ZNF362: variants seen among roughly 807,000 people sequenced by gnomAD.
ZNF362 encodes rotund homolog.
Under a neutral mutation model 42.9 loss-of-function variants are expected in ZNF362, and 11 were observed. The ratio of observed to expected loss-of-function variants is 0.26; its 90% CI spans 0.16 to 0.42. The LOEUF is 0.42. ZNF362 is among the 20% of genes least tolerant of loss of function. The pLI, the probability that ZNF362 is intolerant of heterozygous loss-of-function variation, is 1.00. For synonymous variants in ZNF362, 255 were observed against 257.3 expected, an observed-to-expected ratio of 0.99 and a Z score of 0.09; for missense variants, 362 against 576.2, an observed-to-expected ratio of 0.63 and a Z score of 3.81.
chr1:33,147,339 A>G, the ZNF362 span: 28 of 1,614,224 alleles, frequency 1.7e-5, no homozygotes, highest in East Asian at 6.2e-4. The surrounding 1 kb of genome is among the most constrained non-coding windows in gnomAD (Gnocchi z 8.1). Context: ...AGCCTTGGTC[A>G]TAGTCCAGGA....
the ZNF362 span, among the ~76,000 whole-genome samples, chr1:33,244,009 G>T: frequency 1.3e-5 from 2 of 152,166 alleles, no homozygotes; most frequent in African/African-American, 4.8e-5. The surrounding 1 kb of genome is among the most constrained non-coding windows in gnomAD (Gnocchi z 4.0). Context: ...CATGGATTTG[G>T]AGACTGATGA....
the ZNF362 span, among the ~76,000 whole-genome samples, chr1:33,144,366 A>G: frequency 2.6e-5 from 4 of 152,250 alleles, no homozygotes; most frequent in East Asian, 7.7e-4. Context: ...TTGAACTCCC[A>G]ACCTCAGGTG....
At chr1:33,263,300 A>G (rs538073845) in intron 1 of ZNF362, among the ~76,000 whole-genome samples, 5 of 152,326 alleles carry the variant, frequency 3.3e-5, no homozygotes, top group African/African-American at 9.6e-5. Flanking sequence ...AGCATTTACT[A>G]TATCCAGGCT....
In ZNF362 at chr1:33,294,113, C is replaced by A. The variant is rs1235303490; in HGVS notation, c.909-824C>A. Among the ~76,000 whole-genome samples, 1 of 152,238 alleles carries A rather than the reference C, an allele frequency of 6.6e-6. No homozygotes were observed. Among genetic ancestry groups the A allele is most frequent in the Admixed American group, 6.5e-5 (1 of 15,280 alleles). Reference sequence around the variant, plus strand: ...CAAATACCTAGCACAGTGCCTGGGGCATGGGTACCCAATGTAATGAATGTG... The same window carrying A: ...CAAATACCTAGCACAGTGCCTGGGGAATGGGTACCCAATGTAATGAATGTG... On this transcript the variant is annotated intron_variant, in intron 6 of 8. Transcript: ENST00000539719. The surrounding 1 kb of genome is among the most constrained non-coding windows in gnomAD (Gnocchi z 4.2).
At chr1:33,130,283 G>A in the ZNF362 span, among the ~76,000 whole-genome samples, 1 of 152,204 alleles carries the variant, frequency 6.6e-6, no homozygotes, top group Non-Finnish European at 1.5e-5. Context: ...CTCCCGTTGA[G>A]TATGGATGGA....
In ZNF362 at chr1:33,299,558, G is replaced by A. The variant is rs1646151090; in HGVS notation, c.*512G>A. 1 of 154,942 alleles carries A rather than the reference G, an allele frequency of 6.5e-6. No homozygotes were observed. Among genetic ancestry groups the A allele is most frequent in the African/African-American group, 2.4e-5 (1 of 41,458 alleles). The allele number at this position is 154,942 out of a possible 1,614,324, so 9.6% of individuals were successfully genotyped here. On this transcript the variant is annotated 3_prime_UTR_variant, in exon 9 of 9. Transcript: ENST00000539719. ...GGACTGCAAAGGGGACCCCCAGGTG[G>A]GAGGGGCAGGAAGCAGCCGGAGTGA...
chr1:33,189,649 A>ATATATG, the ZNF362 span, among the ~76,000 whole-genome samples: 4 of 16,196 alleles, frequency 2.5e-4, no homozygotes, highest in African/African-American at 6.1e-4. Context: ...ATATATATAT[A>ATATATG]TATATATATA....
At chr1:33,165,300 G>A in the ZNF362 span, 17 of 558,436 alleles carry the variant, frequency 3.0e-5, no homozygotes, top group African/African-American at 2.7e-4. The surrounding 1 kb of genome is among the most constrained non-coding windows in gnomAD (Gnocchi z 4.0). Context: ...TGAACTTCAC[G>A]GATGCCCTAC....
chr1:33,167,313 G>C, the ZNF362 span, among the ~76,000 whole-genome samples: 1 of 152,328 alleles, frequency 6.6e-6, no homozygotes, highest in East Asian at 1.9e-4. The surrounding 1 kb of genome is among the most constrained non-coding windows in gnomAD (Gnocchi z 4.2). Context: ...TAGAATGTGA[G>C]TTTCATGAGA....
chr1:33,157,904 A>T, the ZNF362 span, among the ~76,000 whole-genome samples: 1,701 of 152,006 alleles, frequency 0.011, 34 homozygotes, highest in African/African-American at 0.04. Flanking sequence ...TTACAGGTGC[A>T]CGCCACCATG....
the ZNF362 span, among the ~76,000 whole-genome samples, chr1:33,235,455 A>G: frequency 6.6e-6 from 1 of 152,220 alleles, no homozygotes; most frequent in Non-Finnish European, 1.5e-5. Context: ...GGTCTCCAGC[A>G]AACTCCAGGC....
chr1:33,231,216 A>T, the ZNF362 span, among the ~76,000 whole-genome samples: 1 of 152,202 alleles, frequency 6.6e-6, no homozygotes, highest in Middle Eastern at 3.2e-3. Flanking sequence ...CTCAGTGTCA[A>T]ACAGTTAGAA....
chr1:33,141,564 G>C, the ZNF362 span, among the ~76,000 whole-genome samples: 2 of 152,202 alleles, frequency 1.3e-5, no homozygotes, highest in African/African-American at 4.8e-5. Context: ...TTGTGCCTCT[G>C]ATGCCAGCTT....
the ZNF362 span, chr1:33,146,964 A>G: frequency 3.3e-6 from 2 of 598,980 alleles, no homozygotes; most frequent in Admixed American, 3.0e-5. Context: ...CTGTATCCCT[A>G]TCAAGGTCAG....
the ZNF362 span, among the ~76,000 whole-genome samples, chr1:33,157,988 C>T: frequency 1.3e-5 from 2 of 152,148 alleles, no homozygotes; most frequent in East Asian, 1.9e-4. Context: ...AACTCCTGAC[C>T]TCATGATCCA....
chr1:33,222,238 C>A, the ZNF362 span, among the ~76,000 whole-genome samples: 1 of 152,154 alleles, frequency 6.6e-6, no homozygotes, highest in Non-Finnish European at 1.5e-5. Context: ...ATACCTTCCC[C>A]ATACTTCCCC....
rs1283632447 is a variant in ZNF362, at chr1:33,291,232, A to G, written c.909-3705A>G. On this transcript the variant is annotated intron_variant, in intron 6 of 8. Coordinates refer to ENST00000539719, the MANE Select transcript of ZNF362 (RefSeq NM_152493.3). Reference sequence around the variant, plus strand: ...TTAAGTCTTTAATCCATCTTGAATTAATTTTTGTATAAGGTGTAAGGAAGG... The same window carrying G: ...TTAAGTCTTTAATCCATCTTGAATTGATTTTTGTATAAGGTGTAAGGAAGG... Among the ~76,000 whole-genome samples the G allele has an allele frequency of 1.1e-4, 17 of 152,174 alleles. No individual in the cohort carries two copies. The East Asian group carries it at 2.7e-3, about 24-fold the overall frequency.
the ZNF362 span, among the ~76,000 whole-genome samples, chr1:33,236,550 A>AAAAAAATATATATATATATAT: frequency 1.7e-4 from 1 of 5,980 alleles, no homozygotes; most frequent in African/African-American, 3.9e-4. Flanking sequence ...AAAAAAAAAA[A>AAAAAAATATATATATATATAT]ATATATATAT....
the ZNF362 span, among the ~76,000 whole-genome samples, chr1:33,184,256 A>C: frequency 6.6e-6 from 1 of 152,198 alleles, no homozygotes; most frequent in Non-Finnish European, 1.5e-5. Context: ...ATTGGATTTC[A>C]GTCCCAAAGC....
Sources: allele counts gnomAD v4.1 joint callset (sites outside exome capture counted in the v4.1 genomes callset), GRCh38; gene constraint gnomAD v4.1.1; non-coding constraint Gnocchi (gnomAD v3.1); transcripts MANE v1.5; gene names NCBI Gene and HGNC (gene_info 2026-07-23, HGNC 2026-07-21).